Variants in SPG11 observed in about 807,000 individuals in gnomAD.
The protein encoded by SPG11 is SPG11 vesicle trafficking associated, spatacsin, also known as spatacsin.
A neutral mutation model predicts 274.0 loss-of-function variants in SPG11; 222 were observed. The observed-to-expected ratio is 0.81, with a 90% CI of 0.73 to 0.91. The LOEUF (loss-of-function observed/expected upper bound fraction) is 0.91. SPG11 is among the 40% of genes least tolerant of loss of function. SPG11 has a pLI of 0.00. For synonymous variants in SPG11, 1,144 were observed against 1,039.7 expected, an observed-to-expected ratio of 1.10 and a Z score of -1.93; for missense variants, 3,114 against 2,872.7, an observed-to-expected ratio of 1.08 and a Z score of -1.92.
chr15:44,592,414 C>A lies in SPG11; in HGVS notation c.4660G>T (p.Glu1554Ter). The A allele has an allele frequency of 1.2e-6, 2 of 1,606,006 alleles. No homozygotes were observed. Among genetic ancestry groups the A allele is most frequent in the Non-Finnish European group, 1.7e-6 (2 of 1,172,624 alleles). ...FKDSPLLLVM[E>*]MYELCMFFRN... ...AAGAACATACACAGTTCATACATCT[C>A]CATCACCAGTAGTAACGGGGAATCC... is the stretch of plus-strand genomic sequence containing the variant. The change falls in exon 27 of 40, where the codon GAG becomes TAG. Residue 1554 changes from glutamate to a stop codon, truncating the protein, a stop_gained. Transcript: ENST00000261866. LOFTEE classifies it high-confidence loss of function.
intron 39 of SPG11, among the ~76,000 whole-genome samples, chr15:44,563,953 GTAAGTT>G (rs2082254261): frequency 6.6e-6 from 1 of 152,114 alleles, no homozygotes; most frequent in East Asian, 1.9e-4. Context: ...ACCTTATAGA[GTAAGTT>G]TAGTACTCCA....
chr15:44,627,911 C>T (rs1202710237), intron 10 of SPG11, among the ~76,000 whole-genome samples: 1 of 152,128 alleles, frequency 6.6e-6, no homozygotes, highest in East Asian at 1.9e-4. Flanking sequence ...TTTAAGGTTA[C>T]AGAATGAATA....
intron 8 of SPG11, among the ~76,000 whole-genome samples, chr15:44,630,741 G>A (rs1003092494): frequency 6.6e-6 from 1 of 151,902 alleles, no homozygotes; most frequent in African/African-American, 2.4e-5. Flanking sequence ...CACCACACAT[G>A]GCTAATTTTT....
intron 30 of SPG11, among the ~76,000 whole-genome samples, chr15:44,581,247 CCCAG>C (rs1224694978): frequency 6.6e-6 from 1 of 152,170 alleles, no homozygotes; most frequent in African/African-American, 2.4e-5. Flanking sequence ...TACTTTGTTG[CCCAG>C]GCTGGAGTGC....
intron 1 of SPG11, among the ~76,000 whole-genome samples, chr15:44,662,425 C>A (rs910119306): frequency 3.9e-5 from 6 of 152,064 alleles, no homozygotes; most frequent in Non-Finnish European, 7.4e-5. Flanking sequence ...AATCCCAACA[C>A]TTTGGCAGGG....
chr15:44,596,199 C>CAT lies in SPG11; in HGVS notation c.4317_4318insAT (p.Asp1440MetfsTer25), dbSNP rs964334199. ...CATTGGAGCAGAATTTCAAATAAAT[C>CAT]GGTCATCTCTTGTTTGCTTCCTTGA... On this transcript the variant is annotated frameshift_variant, in exon 25 of 40. Transcript: ENST00000261866. LOFTEE classifies it high-confidence loss of function. 1 of 1,613,998 alleles carries CAT rather than the reference C, an allele frequency of 6.2e-7. No homozygotes were observed. Among genetic ancestry groups the CAT allele is most frequent in the African/African-American group, 1.3e-5 (1 of 74,902 alleles).
intron 29 of SPG11, 120 bp downstream of exon 29, chr15:44,585,516 T>G (rs973706450): frequency 1.3e-6 from 1 of 761,802 alleles, no homozygotes; most frequent in Non-Finnish European, 2.2e-6. Flanking sequence ...GCAGGAGAAT[T>G]GCATGAACCC....
chr15:44,595,886 T>C lies in SPG11; in HGVS notation c.4434+197A>G, dbSNP rs1595859833. On this transcript the variant is annotated intron_variant, in intron 25 of 39. Coordinates refer to ENST00000261866, the MANE Select transcript of SPG11 (RefSeq NM_025137.4). ...GCTCTGATCACTTGAGTTCACTGAATGTCAAGGCACAAGAAAGTACACCAA... is the reference window on the plus strand; with the variant it reads ...GCTCTGATCACTTGAGTTCACTGAACGTCAAGGCACAAGAAAGTACACCAA... Among the ~76,000 whole-genome samples the C allele has an allele frequency of 2.0e-5, 3 of 152,308 alleles. 1 individual carries two copies. Among genetic ancestry groups the C allele is most frequent in the Non-Finnish European group, 2.9e-5 (2 of 68,028 alleles).
rs189044214 is a variant in SPG11 at position 44,638,953 on chromosome 15, G to A, written c.1603-5316C>T. Among the ~76,000 whole-genome samples, 489 of 151,078 alleles carry A rather than the reference G, an allele frequency of 3.2e-3. 2 individuals are homozygous for A. The highest frequency in any genetic ancestry group is 5.2e-3 in the Non-Finnish European group (351 of 67,774). On this transcript the variant is annotated intron_variant, in intron 7 of 39. Coordinates refer to ENST00000261866, the MANE Select transcript of SPG11 (RefSeq NM_025137.4). ...GGAGGTTTCAGTGAGCCAAGATTGC[G>A]CCACTATACTCCAGCCTGGGTGACA... is the stretch of plus-strand genomic sequence containing the variant.
In SPG11 at chr15:44,621,946, G is replaced by A; in HGVS notation, c.2445-12C>T. On this transcript the variant is annotated splice_polypyrimidine_tract_variant and intron_variant, in intron 13 of 39. Coordinates refer to ENST00000261866, the MANE Select transcript of SPG11 (RefSeq NM_025137.4). ...CCTTTATCCAGTACCTAAAAACAGT[G>A]ATATAAATTTTTTTTTTTTTAATTT... The A allele has an allele frequency of 6.3e-7, 1 of 1,589,852 alleles. No individual in the cohort carries two copies. The highest frequency in any genetic ancestry group is 8.6e-7 in the Non-Finnish European group (1 of 1,169,314).
chr15:44,593,929 CTT>C (rs1391243093), intron 26 of SPG11, among the ~76,000 whole-genome samples: 3 of 138,854 alleles, frequency 2.2e-5, no homozygotes, highest in Non-Finnish European at 1.6e-5. Flanking sequence ...TTTTTCTTTT[CTT>C]TTTTTTTTTT....
At chr15:44,641,922 GAA>G (rs71111874) in intron 7 of SPG11, among the ~76,000 whole-genome samples, 291 of 55,892 alleles carry the variant, frequency 5.2e-3, no homozygotes, top group African/African-American at 0.016. Context: ...CTGCTTAACA[GAA>G]AAAAAAAAAA....
intron 31 of SPG11, 47 bp downstream of exon 31, chr15:44,574,855 C>A: frequency 1.2e-6 from 2 of 1,611,734 alleles, no homozygotes; most frequent in South Asian, 2.2e-5. Flanking sequence ...TCAAACTTCT[C>A]ATTTCCCTCC....
rs2082925870 is a variant in SPG11, at chr15:44,592,438, C to G, written c.4636G>C (p.Asp1546His). The change falls in exon 27 of 40, where the codon GAT becomes CAT. Residue 1546 changes from aspartate to histidine, a missense_variant and splice_region_variant. By Grantham distance (81) the Asp-to-His change is moderately conservative. Coordinates refer to ENST00000261866, the MANE Select transcript of SPG11 (RefSeq NM_025137.4). ...LIRGFQLFFK[D>H]SPLLLVMEMY... ...TCCATCACCAGTAGTAACGGGGAAT[C>G]CTTTGACAAAGAGTTTGAAAAAAAT... 6.4e-7 allele frequency: 1 copy of G among 1,567,592 alleles called. No homozygotes were observed. The highest frequency in any genetic ancestry group is 1.4e-5 in the African/African-American group (1 of 74,004).
Position 44,642,020 on chromosome 15 carries a change from G to A in SPG11, c.1602+6846C>T, listed in dbSNP as rs137883133. Among the ~76,000 whole-genome samples the A allele has an allele frequency of 2.4e-3, 359 of 150,106 alleles. 2 individuals are homozygous for A. The highest frequency in any genetic ancestry group is 8.3e-3 in the African/African-American group (340 of 40,830). On this transcript the variant is annotated intron_variant, in intron 7 of 39. Coordinates refer to ENST00000261866, the MANE Select transcript of SPG11 (RefSeq NM_025137.4). ...CAGAGGTGAAACTGAATGAACTATAGTTATATACATTAAACATGGATGAAT... is the reference window on the plus strand; with the variant it reads ...CAGAGGTGAAACTGAATGAACTATAATTATATACATTAAACATGGATGAAT...
intron 3 of SPG11, among the ~76,000 whole-genome samples, chr15:44,658,171 A>T (rs2141123383): frequency 6.6e-6 from 1 of 152,384 alleles, no homozygotes; most frequent in South Asian, 2.1e-4. Flanking sequence ...AATAATTGTT[A>T]ATTTAGGATT....
intron 26 of SPG11, among the ~76,000 whole-genome samples, chr15:44,593,234 CG>C (rs1652112141): frequency 1.3e-5 from 2 of 152,110 alleles, no homozygotes; most frequent in South Asian, 4.2e-4. Flanking sequence ...CTCATTCTGT[CG>C]CCCAGGCTGG....
At chr15:44,633,361 AAGAAAG>A in intron 8 of SPG11, 138 bp downstream of exon 8, 3 of 348,064 alleles carry the variant, frequency 8.6e-6, no homozygotes, top group Non-Finnish European at 1.5e-5. Flanking sequence ...AAAAAAAAAA[AAGAAAG>A]TTTCCAAAAA....
intron 30 of SPG11, among the ~76,000 whole-genome samples, chr15:44,581,395 C>T (rs747556651): frequency 2.6e-5 from 4 of 151,726 alleles, no homozygotes; most frequent in Admixed American, 1.3e-4. Flanking sequence ...TTTGTAGTGA[C>T]GGGGTTTTGC....
Sources: allele counts gnomAD v4.1 joint callset (sites outside exome capture counted in the v4.1 genomes callset), GRCh38; gene constraint gnomAD v4.1.1; transcripts MANE v1.5; gene names NCBI Gene and HGNC (gene_info 2026-07-23, HGNC 2026-07-21).